NOL4: variants seen among roughly 807,000 people sequenced by gnomAD.
The protein encoded by NOL4 is cancer/testis antigen 125.
Under a neutral mutation model 75.9 loss-of-function variants are expected in NOL4, and 17 were observed. The ratio of observed to expected loss-of-function variants is 0.22; its 90% CI spans 0.15 to 0.34. The LOEUF (loss-of-function observed/expected upper bound fraction) is 0.34. NOL4 is among the 10% of genes least tolerant of loss of function. NOL4 has a pLI of 1.00. For missense variants in NOL4, 614 were observed against 793.5 expected (o/e 0.77, Z 2.72); for synonymous variants, 292 against 289.9 (o/e 1.01, Z -0.07).
intron 1 of NOL4, among the ~76,000 whole-genome samples, chr18:34,204,476 G>C (rs2035983670): frequency 6.6e-6 from 1 of 151,816 alleles, no homozygotes; most frequent in African/African-American, 2.4e-5. Flanking sequence ...TTAAGGCTAG[G>C]GTAACAAAGC....
At chr18:33,934,926 A>C (rs1409453391) in intron 9 of NOL4, among the ~76,000 whole-genome samples, 1 of 146,182 alleles carries the variant, frequency 6.8e-6, no homozygotes, top group East Asian at 2.0e-4. Context: ...TGGCACAATC[A>C]TGGCTCACTG....
At chr18:34,068,986 A>G (rs2077398408) in intron 5 of NOL4, among the ~76,000 whole-genome samples, 1 of 152,196 alleles carries the variant, frequency 6.6e-6, no homozygotes, top group Admixed American at 6.5e-5. Context: ...TACTCAGAAT[A>G]CAATAAAACT....
chr18:34,053,250 G>T (rs75419777), intron 5 of NOL4, among the ~76,000 whole-genome samples: 1 of 151,864 alleles, frequency 6.6e-6, no homozygotes, highest in Non-Finnish European at 1.5e-5. Context: ...TGCCTTTAAG[G>T]CTTTGCATAC....
intron 1 of NOL4, among the ~76,000 whole-genome samples, chr18:34,155,681 G>A (rs573231974): frequency 6.6e-5 from 10 of 151,988 alleles, no homozygotes; most frequent in Non-Finnish European, 1.3e-4. Flanking sequence ...GTAAAATATA[G>A]TATTATCATC....
intron 9 of NOL4, among the ~76,000 whole-genome samples, chr18:33,892,924 A>C (rs573880486): frequency 3.9e-5 from 6 of 152,092 alleles, no homozygotes; most frequent in South Asian, 4.2e-4. Flanking sequence ...CAGCCTCCCA[A>C]AGTGCTGGAA....
In NOL4 at chr18:34,081,010, A is replaced by G. The variant is rs573774797; in HGVS notation, c.772+12455T>C. Reference sequence around the variant, plus strand: ...TTTCATACCCAGAATAACATTCTGCAGTCTTCTTTTTAAGAAATTAGAAGA... The same window carrying G: ...TTTCATACCCAGAATAACATTCTGCGGTCTTCTTTTTAAGAAATTAGAAGA... On this transcript the variant is annotated intron_variant, in intron 5 of 10. Coordinates refer to ENST00000261592, the MANE Select transcript of NOL4 (RefSeq NM_003787.5). Among the ~76,000 whole-genome samples, 19 of 152,340 alleles carry G rather than the reference A, an allele frequency of 1.2e-4. 1 individual carries two copies. In the East Asian group the frequency reaches 3.7e-3, roughly 29 times the overall value.
intron 5 of NOL4, among the ~76,000 whole-genome samples, chr18:34,044,082 T>C (rs1318102732): frequency 1.3e-5 from 2 of 152,102 alleles, no homozygotes; most frequent in Non-Finnish European, 2.9e-5. Flanking sequence ...TTTATGTCAC[T>C]TAACTCTATA....
chr18:34,205,415 T>C (rs2036053599), intron 1 of NOL4, among the ~76,000 whole-genome samples: 1 of 152,170 alleles, frequency 6.6e-6, no homozygotes, highest in East Asian at 1.9e-4. Flanking sequence ...TTTGGAAAAT[T>C]ATGAAATTCC....
intron 5 of NOL4, among the ~76,000 whole-genome samples, chr18:34,087,375 T>C (rs76637322): frequency 0.032 from 4,823 of 152,162 alleles, 80 homozygotes; most frequent in Middle Eastern, 0.048. Flanking sequence ...GAAAAGAGGA[T>C]TGTGATAATT....
intron 9 of NOL4, among the ~76,000 whole-genome samples, chr18:33,905,173 T>C (rs1355040274): frequency 6.6e-6 from 1 of 152,190 alleles, no homozygotes; most frequent in Non-Finnish European, 1.5e-5. Flanking sequence ...ATATGTTAAC[T>C]GTAGGCACTG....
chr18:34,103,470 C>G (rs1371448022), intron 4 of NOL4, among the ~76,000 whole-genome samples: 2 of 151,862 alleles, frequency 1.3e-5, no homozygotes, highest in African/African-American at 4.8e-5. Context: ...TTTCACTATA[C>G]AAATTAAATA....
At chr18:33,876,747 G>T (rs1362840001) in intron 10 of NOL4, among the ~76,000 whole-genome samples, 1 of 152,000 alleles carries the variant, frequency 6.6e-6, no homozygotes, top group Non-Finnish European at 1.5e-5. Context: ...GACATTGTGG[G>T]CCCAATCAAT....
chr18:33,999,277 A>G (rs2073524667), intron 6 of NOL4, among the ~76,000 whole-genome samples: 1 of 151,430 alleles, frequency 6.6e-6, no homozygotes, highest in Admixed American at 6.6e-5. Context: ...CCTCTTGAGT[A>G]GCTGGGACTG....
At chr18:34,074,293 TG>T (rs2077652113) in intron 5 of NOL4, among the ~76,000 whole-genome samples, 1 of 151,638 alleles carries the variant, frequency 6.6e-6, no homozygotes, top group South Asian at 2.1e-4. Context: ...AAATTAACAA[TG>T]ATATAAGCTC....
At chr18:34,027,130 G>A (rs765478129) in intron 5 of NOL4, among the ~76,000 whole-genome samples, 3 of 152,330 alleles carry the variant, frequency 2.0e-5, no homozygotes, top group Non-Finnish European at 4.4e-5. Context: ...TTTAGAAAGA[G>A]TTGGATTATA....
At chr18:34,124,939 A>G (rs1568370510) in intron 2 of NOL4, among the ~76,000 whole-genome samples, 1 of 151,872 alleles carries the variant, frequency 6.6e-6, no homozygotes, top group Non-Finnish European at 1.5e-5. Flanking sequence ...GTCCTATGCT[A>G]ACTGGGAGGT....
intron 1 of NOL4, among the ~76,000 whole-genome samples, chr18:34,161,069 A>G (rs1298129666): frequency 1.3e-5 from 2 of 152,028 alleles, no homozygotes; most frequent in Non-Finnish European, 2.9e-5. Context: ...AATACGTGGT[A>G]TTTATCTTTT....
chr18:34,073,922 T>C (rs925155018), intron 5 of NOL4, among the ~76,000 whole-genome samples: 1 of 151,874 alleles, frequency 6.6e-6, no homozygotes, highest in African/African-American at 2.4e-5. Context: ...CCAAAAAATG[T>C]GGTATGACTA....
chr18:33,971,167 A>G (rs1051525569), intron 6 of NOL4, among the ~76,000 whole-genome samples: 15 of 152,286 alleles, frequency 9.8e-5, no homozygotes, highest in African/African-American at 3.6e-4. Context: ...TCCTGTTTCC[A>G]TTTCCCTTAT....
Sources: allele counts gnomAD v4.1 joint callset (sites outside exome capture counted in the v4.1 genomes callset), GRCh38; gene constraint gnomAD v4.1.1; transcripts MANE v1.5; gene names NCBI Gene and HGNC (gene_info 2026-07-23, HGNC 2026-07-21).